PARL: variants seen among roughly 807,000 people sequenced by gnomAD.
PARL encodes presenilin associated rhomboid like.
PARL carries 44 observed loss-of-function variants against 51.6 expected under a neutral mutation model. The ratio of observed to expected loss-of-function variants is 0.85; its 90% CI spans 0.67 to 1.10. The LOEUF is 1.10. Among genes scored for constraint, PARL ranks in the 50% least tolerant of loss-of-function variants. The pLI, the probability that PARL is intolerant of heterozygous loss-of-function variation, is 0.00. For synonymous variants in PARL, 172 were observed against 164.0 expected (o/e 1.05, Z -0.37); for missense variants, 441 against 469.5 (o/e 0.94, Z 0.56).
At chr3:183,849,878 A>C (rs1249863929) in intron 4 of PARL, among the ~76,000 whole-genome samples, 1 of 152,218 alleles carries the variant, frequency 6.6e-6, no homozygotes, top group Non-Finnish European at 1.5e-5. Flanking sequence ...ACCTTATAGA[A>C]ATCAGAATTA....
intron 4 of PARL, among the ~76,000 whole-genome samples, chr3:183,851,155 A>G (rs1730504539): frequency 2.0e-5 from 3 of 152,240 alleles, no homozygotes. Context: ...ATTAACTCCG[A>G]ATTAATCAAA....
chr3:183,849,487 A>C (rs2108630135), intron 4 of PARL, among the ~76,000 whole-genome samples: 1 of 152,320 alleles, frequency 6.6e-6, no homozygotes, highest in Admixed American at 6.5e-5. Flanking sequence ...GAAAACAAAA[A>C]TACAATATAC....
chr3:183,873,772 A>G (rs912338674), intron 1 of PARL, among the ~76,000 whole-genome samples: 2 of 152,190 alleles, frequency 1.3e-5, no homozygotes, highest in African/African-American at 2.4e-5. Context: ...TAAAAGGAAC[A>G]TAAACACGCT....
intron 8 of PARL, 23 bp from the exon 9 acceptor site, chr3:183,833,612 C>G: frequency 6.4e-7 from 1 of 1,559,368 alleles, no homozygotes; most frequent in Non-Finnish European, 8.9e-7. Flanking sequence ...AAGAAACAAG[C>G]GGCACAACTG....
rs989202960 is a variant in PARL, at chr3:183,842,751, T to C, written c.608-304A>G. Among the ~76,000 whole-genome samples, 5 of 121,414 alleles carry C rather than the reference T, an allele frequency of 4.1e-5. No individual in the cohort carries two copies. The East Asian group carries it at 1.1e-3, about 27-fold the overall frequency. 79.7% of individuals were successfully genotyped at this position (121,414 alleles called of 152,430 possible). A position where few individuals can be genotyped will look rare whatever the true frequency, so the allele number is the denominator to read the frequency against. ...TGGACCCAGGAGGTAGAGTTTGCAGTGAGCCAAGATTGAGCCACTGCACTC... is the reference window on the plus strand; with the variant it reads ...TGGACCCAGGAGGTAGAGTTTGCAGCGAGCCAAGATTGAGCCACTGCACTC... On this transcript the variant is annotated intron_variant, in intron 5 of 9. Transcript: ENST00000317096.
chr3:183,869,584 T>C (rs76593770), intron 1 of PARL, among the ~76,000 whole-genome samples: 19,432 of 151,864 alleles, frequency 0.13, 1,875 homozygotes, highest in East Asian at 0.45. Context: ...CTAGAAGGGA[T>C]AGTATGTTCA....
intron 4 of PARL, among the ~76,000 whole-genome samples, chr3:183,847,122 C>A (rs962931973): frequency 2.0e-5 from 3 of 152,224 alleles, no homozygotes; most frequent in Non-Finnish European, 4.4e-5. Flanking sequence ...CCTACTGAGG[C>A]AGTACTGCAT....
At chr3:183,839,565 T>C (rs956954673) in intron 7 of PARL, among the ~76,000 whole-genome samples, 1 of 151,810 alleles carries the variant, frequency 6.6e-6, no homozygotes, top group African/African-American at 2.4e-5. Flanking sequence ...ATTACAAGCA[T>C]GCACAACCAC....
At chr3:183,869,916 C>A (rs1339774770) in intron 1 of PARL, among the ~76,000 whole-genome samples, 3 of 152,044 alleles carry the variant, frequency 2.0e-5, no homozygotes, top group Non-Finnish European at 4.4e-5. Flanking sequence ...TTCTCCTCTA[C>A]AAACACCTCC....
At chr3:183,865,146 A>G (rs1732319993) in intron 3 of PARL, among the ~76,000 whole-genome samples, 1 of 152,176 alleles carries the variant, frequency 6.6e-6, no homozygotes, top group South Asian at 2.1e-4. Context: ...TGTCTCCACA[A>G]AAAATGAAAT....
intron 9 of PARL, among the ~76,000 whole-genome samples, chr3:183,830,450 T>C (rs1727804761): frequency 6.6e-6 from 1 of 152,118 alleles, no homozygotes; most frequent in African/African-American, 2.4e-5. Flanking sequence ...GGGAGCACAC[T>C]GCGCTCTGGG....
intron 4 of PARL, among the ~76,000 whole-genome samples, chr3:183,859,442 A>T (rs1291911023): frequency 6.6e-6 from 1 of 152,004 alleles, no homozygotes; most frequent in African/African-American, 2.4e-5. Flanking sequence ...AGTTCAAGCG[A>T]TTCTCCTGCC....
At chr3:183,869,457 A>G (rs1732916655) in intron 1 of PARL, among the ~76,000 whole-genome samples, 1 of 151,844 alleles carries the variant, frequency 6.6e-6, no homozygotes, top group Admixed American at 6.6e-5. Flanking sequence ...ATCCACCCGC[A>G]TTGGCCTCCC....
chr3:183,859,452 C>A (rs1244559763), intron 4 of PARL, among the ~76,000 whole-genome samples: 4 of 152,038 alleles, frequency 2.6e-5, no homozygotes, highest in Non-Finnish European at 4.4e-5. Context: ...ATTCTCCTGC[C>A]TCAGCCTCCC....
chr3:183,884,714 G>A lies in PARL; in HGVS notation c.125+8C>T. ...GAGGCGAGAAGACCAGAGCGCGGCG[G>A]CTATTACCTGCGTCCGAGGAGCTGC... is the stretch of plus-strand genomic sequence containing the variant. On this transcript the variant is annotated splice_region_variant and intron_variant, in intron 1 of 9. Transcript: ENST00000317096. 1 of 1,586,832 alleles carries A rather than the reference G, an allele frequency of 6.3e-7. No individual in the cohort carries two copies. Among genetic ancestry groups the A allele is most frequent in the Non-Finnish European group, 8.6e-7 (1 of 1,169,168 alleles).
At chr3:183,873,125 G>A (rs1167946265) in intron 1 of PARL, among the ~76,000 whole-genome samples, 3 of 152,142 alleles carry the variant, frequency 2.0e-5, no homozygotes, top group South Asian at 2.1e-4. Context: ...AAGTAAAGTC[G>A]CAATTAATTA....
At chr3:183,876,379 A>G (rs1203606612) in intron 1 of PARL, among the ~76,000 whole-genome samples, 1 of 152,064 alleles carries the variant, frequency 6.6e-6, no homozygotes, top group African/African-American at 2.4e-5. Flanking sequence ...CAATGTTGCG[A>G]CCAAATGCTG....
At chr3:183,869,499 C>A (rs1174040044) in intron 1 of PARL, among the ~76,000 whole-genome samples, 1 of 151,936 alleles carries the variant, frequency 6.6e-6, no homozygotes, top group African/African-American at 2.4e-5. Context: ...TGAGCCACTG[C>A]GCCTGGCTAT....
chr3:183,842,539 G>C, intron 5 of PARL, 92 bp from the exon 6 acceptor site: 1 of 1,207,366 alleles, frequency 8.3e-7, no homozygotes. Flanking sequence ...GCCGGACGCA[G>C]TGGCTCACGC....
Sources: gnomAD v4.1 joint callset for allele counts (sites outside exome capture counted in the v4.1 genomes callset) on GRCh38, gnomAD v4.1.1 for gene constraint, MANE v1.5 for transcripts, NCBI Gene and HGNC (gene_info 2026-07-23, HGNC 2026-07-21) for gene names.